Variants in ZNF117 observed in about 807,000 individuals in gnomAD.
ZNF117 encodes the protein zinc finger protein 117.
A neutral mutation model predicts 41.2 loss-of-function variants in ZNF117; 37 were observed. That is an observed-to-expected ratio of 0.90 (90% CI 0.69 to 1.18). The LOEUF (loss-of-function observed/expected upper bound fraction) is 1.18. Among genes scored for constraint, ZNF117 ranks in the 50% most tolerant of loss-of-function variants. The pLI is 0.00. For missense variants in ZNF117, 546 were observed against 557.5 expected (o/e 0.98, Z 0.21); for synonymous variants, 186 against 186.6 (o/e 1.00, Z 0.02).
At chr7:64,980,803 G>A (rs1189588466) in intron 2 of ZNF117, 1 of 152,424 alleles carries the variant, frequency 6.6e-6, no homozygotes, top group African/African-American at 2.4e-5. Context: ...GCTGTCAAGT[G>A]AGAATAATAC....
chr7:64,989,176 T>C (rs1250333008), intron 1 of ZNF117, among the ~76,000 whole-genome samples: 14 of 148,264 alleles, frequency 9.4e-5, no homozygotes, highest in Middle Eastern at 3.5e-3. Flanking sequence ...TATACACATA[T>C]ACACACACAC....
chr7:64,982,709 T>A (rs1786057408), upstream of ZNF117, among the ~76,000 whole-genome samples: 1 of 152,218 alleles, frequency 6.6e-6, no homozygotes, highest in South Asian at 2.1e-4. Flanking sequence ...AGCTTTCATT[T>A]TCCTAAGGCA....
At chr7:64,983,031 T>A (rs1248144417), upstream of ZNF117, among the ~76,000 whole-genome samples, 2 of 152,248 alleles carry the variant, frequency 1.3e-5, no homozygotes, top group Admixed American at 1.3e-4. Flanking sequence ...AGATAATTCA[T>A]ATGTTCTGTA....
At chr7:64,981,895 T>C (rs1786041469) in intron 1 of ZNF117, 89 bp downstream of exon 2, 1 of 422,110 alleles carries the variant, frequency 2.4e-6, no homozygotes, top group Admixed American at 3.7e-5. Context: ...TGAAACTCAA[T>C]TTATGCAAAG....
exon 3 of ZNF117, chr7:64,978,121 A>T: frequency 9.3e-6 from 15 of 1,604,564 alleles, no homozygotes; most frequent in Non-Finnish European, 1.3e-5. Context: ...TTTGAGGATC[A>T]GGTAGAAGCT....
At chr7:64,973,229 T>A (rs762097019), downstream of ZNF117, 29 of 152,168 alleles carry the variant, frequency 1.9e-4, no homozygotes, top group Admixed American at 1.0e-3. Context: ...AGTCATTTTA[T>A]TATTTTGCAA....
exon 3 of ZNF117, chr7:64,978,077 C>T (rs1196388994): frequency 1.3e-6 from 2 of 1,584,594 alleles, no homozygotes; most frequent in Admixed American, 1.7e-5. Flanking sequence ...TGTAAGGTTT[C>T]TCTCCAGTAT....
chr7:64,985,138 T>C (rs1398172302), upstream of ZNF117, among the ~76,000 whole-genome samples: 2 of 152,230 alleles, frequency 1.3e-5, no homozygotes, highest in African/African-American at 2.4e-5. Context: ...GTAAATATTG[T>C]AGTGTTATAT....
At chr7:64,978,996 G>C (rs1487303670) in exon 3 of ZNF117, 1 of 1,613,274 alleles carries the variant, frequency 6.2e-7, no homozygotes, top group Non-Finnish European at 8.5e-7. Flanking sequence ...ACATTTGTAG[G>C]GTTTCTCTTC....
chr7:64,986,748 T>A (rs1259097263), upstream of ZNF117, among the ~76,000 whole-genome samples: 3 of 152,156 alleles, frequency 2.0e-5, no homozygotes, highest in Non-Finnish European at 4.4e-5. Flanking sequence ...TCTTTTTGGT[T>A]TAATGAGTTT....
intron 1 of ZNF117, among the ~76,000 whole-genome samples, chr7:64,989,451 A>G (rs1389194044): frequency 1.1e-4 from 2 of 18,538 alleles, no homozygotes; most frequent in African/African-American, 7.9e-4. Context: ...AATTATATAT[A>G]TATATATATA....
upstream of ZNF117, among the ~76,000 whole-genome samples, chr7:64,984,960 T>G (rs140244195): frequency 0.013 from 1,936 of 151,398 alleles, 35 homozygotes; most frequent in African/African-American, 0.045. Flanking sequence ...CCGGCTAATT[T>G]TTGTATTTTT....
intron 2 of ZNF117, 88 bp downstream of exon 3, chr7:64,981,299 C>T: frequency 6.5e-7 from 1 of 1,538,194 alleles, no homozygotes; most frequent in Non-Finnish European, 8.9e-7. Flanking sequence ...CTTTGGAACA[C>T]AGCTTACCAA....
At chr7:64,984,964 T>C (rs1184834124), upstream of ZNF117, among the ~76,000 whole-genome samples, 1 of 151,714 alleles carries the variant, frequency 6.6e-6, no homozygotes, top group Non-Finnish European at 1.5e-5. Context: ...CTAATTTTTG[T>C]ATTTTTTAGT....
Position 64,978,332 on chromosome 7 carries a change from TC to T in ZNF117, c.1238del (p.Gly413GlufsTer53). On this transcript the variant is annotated frameshift_variant, in exon 3 of 3. Coordinates refer to ENST00000620222, the Ensembl canonical transcript of ZNF117. LOFTEE classifies it high-confidence loss of function. ...ATTCTTCACATTTGTAGAGTTTCTC[TC>T]CAGTATGAATTTTCTTACATGTACT... 3 of 1,613,632 alleles carry T rather than the reference TC, an allele frequency of 1.9e-6. No individual in the cohort carries two copies. Among genetic ancestry groups the T allele is most frequent in the Non-Finnish European group, 2.5e-6 (3 of 1,179,720 alleles).
At position 64,978,192 on chromosome 7, in the gene ZNF117, A is replaced by C. The variant is rs1414163894; in HGVS notation, c.1379T>G (p.Leu460Arg). ...AGTATGAATTATCTTATGTGTAGTA[A>C]GTGTTGAAGATTGGTTAAAAGCTTT... Residue 460 changes from leucine to arginine, a missense_variant, in exon 3 of 3, where the codon CTT becomes CGT. Physicochemically the swap from Leu to Arg is moderately radical, Grantham distance 102. Transcript: ENST00000620222. The C allele has an allele frequency of 5.6e-6, 9 of 1,612,688 alleles. No homozygotes were observed. The African/African-American group carries it at 1.2e-4, about 22-fold the overall frequency.
chr7:64,990,260 T>C (rs901208649), exon 1 of ZNF117: 8 of 152,232 alleles, frequency 5.3e-5, no homozygotes, highest in Non-Finnish European at 1.0e-4. Context: ...CCAGTCAGAA[T>C]GCCTATTGTT....
chr7:64,987,897 T>C (rs1269258296), intron 1 of ZNF117, among the ~76,000 whole-genome samples: 1 of 150,304 alleles, frequency 6.7e-6, no homozygotes, highest in African/African-American at 2.4e-5. Context: ...CTCCCAAGAC[T>C]GAACAAAAAA....
intron 1 of ZNF117, among the ~76,000 whole-genome samples, chr7:64,989,443 T>TTATATATATATACATATATA (rs1786205259): frequency 2.0e-5 from 1 of 49,460 alleles, no homozygotes; most frequent in Admixed American, 3.1e-4. Flanking sequence ...GAACTTAAAA[T>TTATATATATATACATATATA]TATATATATA....
Sources: allele counts gnomAD v4.1 joint callset (sites outside exome capture counted in the v4.1 genomes callset), GRCh38; gene constraint gnomAD v4.1.1; transcripts MANE v1.5; gene names NCBI Gene and HGNC (gene_info 2026-07-23, HGNC 2026-07-21).